The following PCDHA5 variants were observed in gnomAD, a reference collection of about 807,000 sequenced individuals.
PCDHA5 encodes the protein protocadherin alpha 5, also known as protocadherin alpha-5.
In PCDHA5, 43 loss-of-function variants were observed where a neutral mutation model predicts 61.6. The observed-to-expected ratio is 0.70, with a 90% CI of 0.55 to 0.90. The LOEUF is 0.90. Ranked by LOEUF, PCDHA5 falls within the 40% of genes least tolerant of loss-of-function variation. The pLI is 0.00. For synonymous variants in PCDHA5, 627 were observed against 543.9 expected (o/e 1.15, Z -2.13); for missense variants, 1,298 against 1,222.7 (o/e 1.06, Z -0.92).
In PCDHA5 at chr5:140,942,596, A is replaced by T. The variant is rs116159999; in HGVS notation, c.2353-36353A>T. On this transcript the variant is annotated intron_variant, in intron 1 of 3. Coordinates refer to ENST00000529859, the MANE Select transcript of PCDHA5 (RefSeq NM_018908.3). ...CCCATATAGGATGTCACATATAATT[A>T]TAGTGTTTATATTTGCCAATTGTAA... 7.0e-3 allele frequency among the ~76,000 whole-genome samples: 992 copies of T among 142,408 alleles called. 16 individuals carry two copies. Among genetic ancestry groups the T allele is most frequent in the African/African-American group, 0.025 (912 of 36,952 alleles). 93.4% of individuals were successfully genotyped at this position (142,408 alleles called of 152,430 possible).
chr5:140,995,899 A>G (rs900121248), intron 3 of PCDHA5, among the ~76,000 whole-genome samples: 2 of 152,226 alleles, frequency 1.3e-5, no homozygotes, highest in Non-Finnish European at 2.9e-5. Context: ...ATCAATGTAT[A>G]AAAGAGGAGA....
rs1463796705 is a variant in PCDHA5, at chr5:140,823,799, C to T, written c.2024C>T (p.Pro675Leu). The T allele has an allele frequency of 1.2e-6, 2 of 1,613,668 alleles. No homozygotes were observed. Among genetic ancestry groups the T allele is most frequent in the Non-Finnish European group, 8.5e-7 (1 of 1,179,920 alleles). The change falls in exon 1 of 4, where the codon CCG becomes CTG. Residue 675 changes from proline (P) to leucine (L), a missense_variant. Pro to Leu is a moderately conservative substitution (Grantham distance 98). Coordinates refer to ENST00000529859, the MANE Select transcript of PCDHA5 (RefSeq NM_018908.3). ...TCGCTGGTGGAAAGTGGCCAGGCGC[C>T]GAAGGCCTCATCGCGGGCGTCGGCG... ...LVSLVESGQA[P>L]KASSRASAGA...
intron 1 of PCDHA5, chr5:140,850,153 T>A: frequency 1.3e-6 from 2 of 1,595,316 alleles, no homozygotes; most frequent in Non-Finnish European, 1.7e-6. Context: ...ACGCTGCAGG[T>A]GTTCGTGCTG....
intron 1 of PCDHA5, among the ~76,000 whole-genome samples, chr5:140,951,377 G>T (rs2094577141): frequency 6.6e-6 from 1 of 152,070 alleles, no homozygotes; most frequent in Non-Finnish European, 1.5e-5. Context: ...AAACACCCAA[G>T]ACTCGGTAAT....
chr5:140,826,024 G>C (rs1338983060), intron 1 of PCDHA5, among the ~76,000 whole-genome samples: 1 of 152,162 alleles, frequency 6.6e-6, no homozygotes, highest in Non-Finnish European at 1.5e-5. Context: ...GATAAAATGT[G>C]AATTCCCTAT....
intron 1 of PCDHA5, chr5:140,930,358 T>G (rs1253370170): frequency 6.6e-6 from 1 of 152,216 alleles, no homozygotes; most frequent in Non-Finnish European, 1.5e-5. Context: ...AATATTTCAA[T>G]TTATCTGTTA....
intron 3 of PCDHA5, among the ~76,000 whole-genome samples, chr5:140,985,090 A>C (rs1214396432): frequency 6.6e-6 from 1 of 152,076 alleles, no homozygotes; most frequent in Non-Finnish European, 1.5e-5. Context: ...GGCGTGTGCC[A>C]CCAAGCCTGG....
rs1554128874 is a variant in PCDHA5 at position 140,822,753 on chromosome 5, A to T, written c.978A>T (p.Thr326=). Residue 326 remains threonine, a synonymous_variant, in exon 1 of 4, where the codon ACA becomes ACT. Coordinates refer to ENST00000529859, the MANE Select transcript of PCDHA5 (RefSeq NM_018908.3). ...EINIDAMDKS[T]FPLSGHCKVV... ...ATATTGATGCCATGGATAAAAGTACATTCCCATTATCAGGACACTGTAAAG... is the reference window on the plus strand; with the variant it reads ...ATATTGATGCCATGGATAAAAGTACTTTCCCATTATCAGGACACTGTAAAG... 2 of 1,613,818 alleles carry T rather than the reference A, an allele frequency of 1.2e-6. No homozygotes were observed. The highest frequency in any genetic ancestry group is 2.2e-5 in the South Asian group (2 of 91,084).
chr5:140,973,406 T>C (rs1205127002), intron 1 of PCDHA5, among the ~76,000 whole-genome samples: 1 of 152,240 alleles, frequency 6.6e-6, no homozygotes, highest in Non-Finnish European at 1.5e-5. Flanking sequence ...ATCTATGAGC[T>C]TCCACTCCAG....
chr5:140,851,007 T>G, intron 1 of PCDHA5: 1 of 1,436,880 alleles, frequency 7.0e-7, no homozygotes, highest in Non-Finnish European at 9.2e-7. Context: ...CCAGCAGATT[T>G]TTTTTCTGAT....
intron 1 of PCDHA5, among the ~76,000 whole-genome samples, chr5:140,889,692 T>C (rs1237047126): frequency 1.3e-5 from 2 of 152,202 alleles, no homozygotes; most frequent in Non-Finnish European, 1.5e-5. Context: ...TTTAGTATTA[T>C]GGGCATATTC....
chr5:140,928,990 C>CT, intron 1 of PCDHA5: 2 of 1,613,884 alleles, frequency 1.2e-6, no homozygotes, highest in African/African-American at 1.3e-5. Context: ...GGGGTGCTTA[C>CT]TTTTCTTCGT....
Position 141,010,460 on chromosome 5 carries a change from A to G in PCDHA5, c.*523A>G. ...AGACAAATAAACAGCGGAAGTTATC[A>G]GTATGGAGGGGAAGTGTAAACTTAA... On this transcript the variant is annotated 3_prime_UTR_variant, in exon 4 of 4. Coordinates refer to ENST00000529859, the MANE Select transcript of PCDHA5 (RefSeq NM_018908.3). The G allele has an allele frequency of 1.2e-6, 1 of 835,130 alleles. No individual in the cohort carries two copies. The highest frequency in any genetic ancestry group is 1.8e-6 in the Non-Finnish European group (1 of 562,732). The allele number at this position is 835,130 out of a possible 1,614,324, so 51.7% of individuals were successfully genotyped here.
intron 1 of PCDHA5, chr5:140,967,281 C>G: frequency 2.5e-6 from 4 of 1,613,102 alleles, no homozygotes; most frequent in Non-Finnish European, 3.4e-6. Flanking sequence ...ATAGAGAGTG[C>G]GCAGGACCCC....
At chr5:140,834,374 A>G (rs1309560066) in intron 1 of PCDHA5, 2 of 1,560,000 alleles carry the variant, frequency 1.3e-6, no homozygotes, top group Non-Finnish European at 1.7e-6. Flanking sequence ...AAACAAGCCA[A>G]TAATTTGAAA....
chr5:140,973,639 T>C (rs1563426866), intron 1 of PCDHA5, among the ~76,000 whole-genome samples: 2 of 152,362 alleles, frequency 1.3e-5, no homozygotes, highest in East Asian at 3.9e-4. Context: ...GTACACATTC[T>C]GACTGAAGAA....
Position 141,009,646 on chromosome 5 carries a change from G to A in PCDHA5, c.2520G>A (p.Val840=), listed in dbSNP as rs369515881. 16 of 1,613,668 alleles carry A rather than the reference G, an allele frequency of 9.9e-6. No individual in the cohort carries two copies. The highest frequency in any genetic ancestry group is 5.5e-5 in the South Asian group (5 of 91,030). ...TTTCAGAACCAGAGGCAGGAGAAGT[G>A]TCCCCTCCAGTCGGTGCGGGTGTCA... is the stretch of plus-strand genomic sequence containing the variant. ...SATPEPEAGE[V]SPPVGAGVNS... The change falls in exon 4 of 4, where the codon GTG becomes GTA. Residue 840 remains valine, a synonymous_variant. Coordinates refer to ENST00000529859, the MANE Select transcript of PCDHA5 (RefSeq NM_018908.3).
chr5:140,838,659 G>T (rs2150291095), intron 1 of PCDHA5, among the ~76,000 whole-genome samples: 1 of 152,070 alleles, frequency 6.6e-6, no homozygotes, highest in South Asian at 2.1e-4. Context: ...TAGTTAACGG[G>T]GCATGGTGGC....
At chr5:140,928,044 T>A (rs782342331) in intron 1 of PCDHA5, 1 of 1,614,196 alleles carries the variant, frequency 6.2e-7, no homozygotes, top group South Asian at 1.1e-5. Context: ...GTGCAGGCCC[T>A]TTTCAGCTGA....
Sources: allele counts gnomAD v4.1 joint callset (sites outside exome capture counted in the v4.1 genomes callset), GRCh38; gene constraint gnomAD v4.1.1; transcripts MANE v1.5; gene names NCBI Gene and HGNC (gene_info 2026-07-23, HGNC 2026-07-21).